Variants in SLC44A5 observed in about 807,000 individuals in gnomAD.
SLC44A5 encodes choline transporter-like protein 5.
Under a neutral mutation model 101.8 loss-of-function variants are expected in SLC44A5, and 57 were observed. The observed-to-expected ratio is 0.56, with a 90% CI of 0.45 to 0.70. The LOEUF (loss-of-function observed/expected upper bound fraction) is 0.70. Among genes scored for constraint, SLC44A5 ranks in the 30% least tolerant of loss-of-function variants. The pLI, the probability that SLC44A5 is intolerant of heterozygous loss-of-function variation, is 0.00. For synonymous variants in SLC44A5, 281 were observed against 290.9 expected (o/e 0.97, Z 0.35); for missense variants, 737 against 853.1 (o/e 0.86, Z 1.70).
rs1002435216 is a variant in SLC44A5, at chr1:75,337,264, A to G, written c.101+2318T>C. Among the ~76,000 whole-genome samples, 6 of 152,184 alleles carry G rather than the reference A, an allele frequency of 3.9e-5. No homozygotes were observed. In the East Asian group the frequency reaches 7.7e-4, roughly 20 times the overall value. ...ATCAGAAGAATTATGCTAGTTGGTAATAATACAAAGATGAGATGTTCTCTT... is the reference window on the plus strand; with the variant it reads ...ATCAGAAGAATTATGCTAGTTGGTAGTAATACAAAGATGAGATGTTCTCTT... On this transcript the variant is annotated intron_variant, in intron 4 of 23. Transcript: ENST00000370859.
intron 1 of SLC44A5, among the ~76,000 whole-genome samples, chr1:75,596,805 C>T (rs211684): frequency 0.96 from 145,513 of 152,170 alleles, 69,606 homozygotes; most frequent in East Asian, 0.97. Context: ...TACCTCAAAA[C>T]AATAAGAGCC....
At position 75,429,671 on chromosome 1, in the gene SLC44A5, G is replaced by A. The variant is rs564180875; in HGVS notation, c.14-33050C>T. 2.0e-5 allele frequency among the ~76,000 whole-genome samples: 3 copies of A among 152,282 alleles called. No homozygotes were observed. The South Asian group carries it at 6.2e-4, about 32-fold the overall frequency. Reference sequence around the variant, plus strand: ...GAGCCCCAGGAAATTTCCAGTCATGGTGGAAGATGAAGGGGAACATGTGTC... The same window carrying A: ...GAGCCCCAGGAAATTTCCAGTCATGATGGAAGATGAAGGGGAACATGTGTC... On this transcript the variant is annotated intron_variant, in intron 2 of 23. Transcript: ENST00000370859.
At chr1:75,239,420 A>G (rs1008031261) in intron 9 of SLC44A5, among the ~76,000 whole-genome samples, 1 of 152,022 alleles carries the variant, frequency 6.6e-6, no homozygotes, top group Non-Finnish European at 1.5e-5. Context: ...TCTTATAAGA[A>G]GCATCACTGA....
In SLC44A5 at chr1:75,302,112, G is replaced by GTTTTTTTTTTTTTTTT. The variant is rs10684140; in HGVS notation, c.102-1443_102-1428dup. Among the ~76,000 whole-genome samples, 47 of 60,128 alleles carry GTTTTTTTTTTTTTTTT rather than the reference G, an allele frequency of 7.8e-4. 1 individual carries two copies. The highest frequency in any genetic ancestry group is 2.8e-3 in the Admixed American group (9 of 3,236). 39.4% of individuals were successfully genotyped at this position (60,128 alleles called of 152,430 possible). A position where few individuals can be genotyped will look rare whatever the true frequency, so the allele number is the denominator to read the frequency against. On this transcript the variant is annotated intron_variant, in intron 4 of 23. Coordinates refer to ENST00000370859, the MANE Select transcript of SLC44A5 (RefSeq NM_001130058.2). ...AGAAAGCAGGTGCTCTAGTTTTTTTGTTTTTTTTTTTTTTTTTTTTTTTTG... is the reference window on the plus strand; with the variant it reads ...AGAAAGCAGGTGCTCTAGTTTTTTTGTTTTTTTTTTTTTTTTTTTTTTTTTTTTTTTTTTTTTTTTG...
chr1:75,291,807 C>A (rs1653568182), intron 5 of SLC44A5, among the ~76,000 whole-genome samples: 1 of 151,862 alleles, frequency 6.6e-6, no homozygotes, highest in African/African-American at 2.4e-5. Flanking sequence ...TTCAGGAGAT[C>A]GAGACCATCC....
At position 75,322,936 on chromosome 1, in the gene SLC44A5, T is replaced by C. The variant is rs530208221; in HGVS notation, c.101+16646A>G. Among the ~76,000 whole-genome samples the C allele has an allele frequency of 5.3e-5, 8 of 152,244 alleles. No individual in the cohort carries two copies. In the South Asian group the frequency reaches 1.2e-3, roughly 24 times the overall value. ...GGAGACTGAACCAAATAAACTCTAATGTTCTTTTTTTATTATTATTATACT... is the reference window on the plus strand; with the variant it reads ...GGAGACTGAACCAAATAAACTCTAACGTTCTTTTTTTATTATTATTATACT... On this transcript the variant is annotated intron_variant, in intron 4 of 23. Transcript: ENST00000370859.
In SLC44A5 at chr1:75,312,621, C is replaced by T. The variant is rs1029521732; in HGVS notation, c.102-11936G>A. Among the ~76,000 whole-genome samples the T allele has an allele frequency of 9.9e-5, 15 of 151,732 alleles. No individual in the cohort carries two copies. The South Asian group carries it at 2.3e-3, about 23-fold the overall frequency. ...GCCCCTCGATCTTGGACTTCCCACACTCCAGAACTATGTGCCAAACAAATT... is the reference window on the plus strand; with the variant it reads ...GCCCCTCGATCTTGGACTTCCCACATTCCAGAACTATGTGCCAAACAAATT... On this transcript the variant is annotated intron_variant, in intron 4 of 23. Transcript: ENST00000370859.
chr1:75,610,766 T>C (rs957423616), intron 1 of SLC44A5, among the ~76,000 whole-genome samples: 4 of 152,082 alleles, frequency 2.6e-5, no homozygotes, highest in African/African-American at 7.2e-5. Context: ...CTGGACTTTT[T>C]AGAAAAGTGA....
chr1:75,541,376 A>G lies in SLC44A5; in HGVS notation c.13+59T>C, dbSNP rs557056140. On this transcript the variant is annotated intron_variant, in intron 2 of 23. Coordinates refer to ENST00000370859, the MANE Select transcript of SLC44A5 (RefSeq NM_001130058.2). Reference sequence around the variant, plus strand: ...TTGTCCTTATTTAATATTAAATAAAAAAGAATATTTGGCACAAAAGTCCAG... The same window carrying G: ...TTGTCCTTATTTAATATTAAATAAAGAAGAATATTTGGCACAAAAGTCCAG... The G allele has an allele frequency of 8.7e-5, 110 of 1,263,996 alleles. 1 individual carries two copies. In the South Asian group the frequency reaches 1.2e-3, roughly 14 times the overall value. 78.3% of individuals were successfully genotyped at this position (1,263,996 alleles called of 1,614,324 possible).
At chr1:75,636,118 A>G in the SLC44A5 span, among the ~76,000 whole-genome samples, 1 of 151,866 alleles carries the variant, frequency 6.6e-6, no homozygotes, top group Admixed American at 6.6e-5. Flanking sequence ...CACTCTCTAC[A>G]TCCATGTTTA....
intron 22 of SLC44A5, among the ~76,000 whole-genome samples, chr1:75,212,352 C>G (rs1646874951): frequency 6.6e-6 from 1 of 152,086 alleles, no homozygotes; most frequent in Non-Finnish European, 1.5e-5. Context: ...CTACCCTCCA[C>G]CCTCAAGTAG....
chr1:75,389,433 T>C (rs1661636134), intron 3 of SLC44A5, among the ~76,000 whole-genome samples: 1 of 152,044 alleles, frequency 6.6e-6, no homozygotes, highest in Admixed American at 6.6e-5. Flanking sequence ...ATAAAACAAG[T>C]CTCAATAAAT....
intron 23 of SLC44A5, chr1:75,205,453 G>A (rs1172881896): frequency 6.6e-6 from 1 of 152,140 alleles, no homozygotes; most frequent in African/African-American, 2.4e-5. Context: ...CACAGGGGAT[G>A]GCTAGGCAAG....
At chr1:75,383,322 C>A (rs936987538) in intron 3 of SLC44A5, among the ~76,000 whole-genome samples, 1 of 136,606 alleles carries the variant, frequency 7.3e-6, no homozygotes, top group African/African-American at 2.8e-5. Context: ...CGGGATCCTC[C>A]ATATGCTGAA....
intron 3 of SLC44A5, among the ~76,000 whole-genome samples, chr1:75,354,519 T>C (rs964858365): frequency 6.6e-6 from 1 of 152,196 alleles, no homozygotes; most frequent in Non-Finnish European, 1.5e-5. Context: ...GTTTCTTTGT[T>C]TGAGCACCAA....
chr1:75,678,922 C>A, the SLC44A5 span, among the ~76,000 whole-genome samples: 2 of 152,070 alleles, frequency 1.3e-5, no homozygotes, highest in East Asian at 1.9e-4. Context: ...CGTAAAGGAG[C>A]TGATGGAGCT....
At chr1:75,358,137 T>G (rs1659219263) in intron 3 of SLC44A5, among the ~76,000 whole-genome samples, 1 of 152,054 alleles carries the variant, frequency 6.6e-6, no homozygotes, top group Non-Finnish European at 1.5e-5. Flanking sequence ...GTTTAAGTAC[T>G]AAATAAAAAT....
chr1:75,582,970 C>G (rs1390601970), intron 1 of SLC44A5, among the ~76,000 whole-genome samples: 1 of 152,208 alleles, frequency 6.6e-6, no homozygotes, highest in Admixed American at 6.5e-5. Context: ...GGTCTCCCCT[C>G]CTCTAGCCTT....
chr1:75,619,227 AGGAG>A, the SLC44A5 span, among the ~76,000 whole-genome samples: 10 of 149,496 alleles, frequency 6.7e-5, no homozygotes, highest in East Asian at 4.1e-4. Flanking sequence ...GACGGAGAGC[AGGAG>A]GGAGGGAGGG....
Sources: allele counts gnomAD v4.1 joint callset (sites outside exome capture counted in the v4.1 genomes callset), GRCh38; gene constraint gnomAD v4.1.1; transcripts MANE v1.5; gene names NCBI Gene and HGNC (gene_info 2026-07-23, HGNC 2026-07-21).